PLXDC1: variants seen among roughly 807,000 people sequenced by gnomAD.
The protein encoded by PLXDC1 is plexin domain containing 1.
PLXDC1 carries 39 observed loss-of-function variants against 61.3 expected under a neutral mutation model. The ratio of observed to expected loss-of-function variants is 0.64; its 90% CI spans 0.49 to 0.83. PLXDC1 has a LOEUF of 0.83. Among genes scored for constraint, PLXDC1 ranks in the 40% least tolerant of loss-of-function variants. PLXDC1 has a pLI of 0.00. For synonymous variants in PLXDC1, 212 were observed against 254.5 expected, an observed-to-expected ratio of 0.83 and a Z score of 1.59; for missense variants, 596 against 666.5, an observed-to-expected ratio of 0.89 and a Z score of 1.17.
At chr17:39,102,486 C>T (rs1910453801) in intron 7 of PLXDC1, among the ~76,000 whole-genome samples, 1 of 151,896 alleles carries the variant, frequency 6.6e-6, no homozygotes, top group Admixed American at 6.6e-5. Flanking sequence ...CACACGGGGG[C>T]ATGAAAGTAC....
At chr17:39,097,752 A>G (rs545153610) in intron 7 of PLXDC1, among the ~76,000 whole-genome samples, 7 of 148,308 alleles carry the variant, frequency 4.7e-5, no homozygotes, top group African/African-American at 1.8e-4. Flanking sequence ...AAATAAATAA[A>G]TAAGCTGGGC....
rs1027657882 is a variant in PLXDC1 at position 39,064,327 on chromosome 17, GT to G, written c.*3512del. 1 of 152,320 alleles carries G rather than the reference GT, an allele frequency of 6.6e-6. No individual in the cohort carries two copies. The highest frequency in any genetic ancestry group is 2.4e-5 in the African/African-American group (1 of 41,558). The allele number at this position is 152,320 out of a possible 1,614,324, so 9.4% of individuals were successfully genotyped here. A position where few individuals can be genotyped will look rare whatever the true frequency, so the allele number is the denominator to read the frequency against. On this transcript the variant is annotated 3_prime_UTR_variant, in exon 14 of 14. Coordinates refer to ENST00000315392, the MANE Select transcript of PLXDC1 (RefSeq NM_020405.5). ...GTGAGCCACTGCACCTGGCCATGTA[GT>G]GAAGGACTTTCTAAGCAAGACCTTG...
In PLXDC1 at chr17:39,107,496, C is replaced by T. The variant is rs765894615; in HGVS notation, c.622G>A (p.Val208Ile). 14 of 1,613,910 alleles carry T rather than the reference C, an allele frequency of 8.7e-6. No individual in the cohort carries two copies. The highest frequency in any genetic ancestry group is 1.6e-4 in the Middle Eastern group (1 of 6,062). ...GTVFVVQWDH[V>I]YLQGWEDKGS... The stretch of plus-strand genomic sequence containing the variant: ...TTGTCTTCCCAGCCTTGGAGATAAA[C>T]GTGGTCCCACTGAACCACAAAGACT... Residue 208 changes from valine to isoleucine, a missense_variant, in exon 6 of 14, where the codon GTT (valine) becomes ATT (isoleucine). Transcript: ENST00000315392.
At chr17:39,131,497 C>T (rs999348976) in intron 2 of PLXDC1, among the ~76,000 whole-genome samples, 28 of 152,054 alleles carry the variant, frequency 1.8e-4, no homozygotes, top group African/African-American at 5.8e-4. Flanking sequence ...AGATTATAGG[C>T]GTGCACCACC....
intron 9 of PLXDC1, chr17:39,080,968 A>C (rs954813748): frequency 6.5e-6 from 1 of 152,876 alleles, no homozygotes; most frequent in African/African-American, 2.4e-5. Context: ...TGCAGTTCTC[A>C]TGGCTCAGCG....
At chr17:39,091,259 G>A (rs566965811) in intron 7 of PLXDC1, among the ~76,000 whole-genome samples, 3 of 152,224 alleles carry the variant, frequency 2.0e-5, no homozygotes, top group African/African-American at 7.2e-5. Context: ...AATTTCCCAC[G>A]CCCCCTCTGA....
intron 2 of PLXDC1, among the ~76,000 whole-genome samples, chr17:39,138,898 A>T (rs1911839706): frequency 6.6e-6 from 1 of 152,080 alleles, no homozygotes; most frequent in South Asian, 2.1e-4. Context: ...TCACACTTAC[A>T]CATGCTCATC....
intron 2 of PLXDC1, among the ~76,000 whole-genome samples, chr17:39,124,984 T>C (rs1317207959): frequency 1.3e-5 from 2 of 152,138 alleles, no homozygotes; most frequent in African/African-American, 4.8e-5. Context: ...CAGCTAACTT[T>C]TTTTGTAATT....
chr17:39,121,803 A>G (rs1911166872), intron 2 of PLXDC1, among the ~76,000 whole-genome samples: 1 of 152,178 alleles, frequency 6.6e-6, no homozygotes, highest in Non-Finnish European at 1.5e-5. Context: ...AGATGAGCAG[A>G]AAGATTGCCC....
chr17:39,113,145 G>A (rs2143721604), intron 2 of PLXDC1: 1 of 152,304 alleles, frequency 6.6e-6, no homozygotes, highest in South Asian at 2.1e-4. Flanking sequence ...CTGTCACAAT[G>A]AAGGCAGAGA....
In PLXDC1 at chr17:39,079,141, T is replaced by C. The variant is rs777652955; in HGVS notation, c.1013A>G (p.Tyr338Cys). Residue 338 changes from tyrosine to cysteine, a missense_variant, in exon 10 of 14, where the codon TAT becomes TGT. By Grantham distance (194) the Tyr-to-Cys change is radical. Transcript: ENST00000315392. ...LQRCSSGFDRYRQEWMDYGCA... is the reference protein window; with the variant it reads ...LQRCSSGFDRCRQEWMDYGCA... Reference sequence around the variant, plus strand: ...GCCATAGTCCATCCACTCCTGGCGATAGCGGTCAAAGCCACTGGAGCATCT... The same window carrying C: ...GCCATAGTCCATCCACTCCTGGCGACAGCGGTCAAAGCCACTGGAGCATCT... The C allele has an allele frequency of 1.5e-5, 25 of 1,614,032 alleles. No homozygotes were observed. Among genetic ancestry groups the C allele is most frequent in the Non-Finnish European group, 2.0e-5 (24 of 1,179,920 alleles).
chr17:39,082,123 C>G (rs150647863), intron 9 of PLXDC1, among the ~76,000 whole-genome samples: 1 of 152,210 alleles, frequency 6.6e-6, no homozygotes, highest in Non-Finnish European at 1.5e-5. Context: ...CCCATCCCCT[C>G]TGGGCCCAGA....
Position 39,077,940 on chromosome 17 carries a change from G to C in PLXDC1, c.1159C>G (p.Leu387Val), listed in dbSNP as rs140631504. The change falls in exon 11 of 14, where the codon CTC (leucine) becomes GTC (valine). Residue 387 changes from leucine (L) to valine (V), a missense_variant. By Grantham distance (32) the Leu-to-Val change is conservative. Transcript: ENST00000315392. Reference sequence around the variant, plus strand: ...TCTGTGGTGAGGCTGTCGATGAAGAGGGAGGAGGAGGTAGTGGTGAGGTCT... The same window carrying C: ...TCTGTGGTGAGGCTGTCGATGAAGACGGAGGAGGAGGTAGTGGTGAGGTCT... ...DGDLTTTSSSLFIDSLTTEDD... is the reference protein window; with the variant it reads ...DGDLTTTSSSVFIDSLTTEDD... The C allele has an allele frequency of 5.6e-6, 9 of 1,614,020 alleles. No individual in the cohort carries two copies. Among genetic ancestry groups the C allele is most frequent in the Middle Eastern group, 1.6e-4 (1 of 6,084 alleles).
At chr17:39,091,915 C>T (rs1392808456) in intron 7 of PLXDC1, among the ~76,000 whole-genome samples, 3 of 143,312 alleles carry the variant, frequency 2.1e-5, no homozygotes, top group Non-Finnish European at 4.5e-5. Flanking sequence ...GCTGAGACTG[C>T]ACCACTGCAC....
At chr17:39,089,403 C>T (rs186258904) in intron 7 of PLXDC1, among the ~76,000 whole-genome samples, 4 of 152,262 alleles carry the variant, frequency 2.6e-5, no homozygotes, top group East Asian at 3.9e-4. Flanking sequence ...TGAATGGCCA[C>T]AGTACCGGGC....
intron 1 of PLXDC1, chr17:39,144,856 G>C (rs1044477884): frequency 9.2e-5 from 14 of 152,156 alleles, no homozygotes; most frequent in Non-Finnish European, 1.3e-4. Flanking sequence ...AATCACCCTA[G>C]TAATAAAAAT....
Position 39,124,658 on chromosome 17 carries a change from T to C in PLXDC1, c.255+14996A>G, listed in dbSNP as rs376116604. Among the ~76,000 whole-genome samples, 13 of 152,358 alleles carry C rather than the reference T, an allele frequency of 8.5e-5. No individual in the cohort carries two copies. In the East Asian group the frequency reaches 1.7e-3, roughly 20 times the overall value. ...AGCTTAGGCTCTGAAGGCAAAGACC[T>C]GGGTTCTTGTCCTGGTTTTGCCACT... On this transcript the variant is annotated intron_variant, in intron 2 of 13. Coordinates refer to ENST00000315392, the MANE Select transcript of PLXDC1 (RefSeq NM_020405.5).
intron 2 of PLXDC1, among the ~76,000 whole-genome samples, chr17:39,132,594 G>A (rs1405184026): frequency 6.6e-6 from 1 of 152,180 alleles, no homozygotes; most frequent in Non-Finnish European, 1.5e-5. Flanking sequence ...ACGCCTCGAG[G>A]CCTCCAAAGC....
intron 2 of PLXDC1, among the ~76,000 whole-genome samples, chr17:39,120,447 C>T (rs1433195685): frequency 1.3e-5 from 2 of 152,152 alleles, no homozygotes; most frequent in Non-Finnish European, 2.9e-5. Flanking sequence ...TCTGACATAT[C>T]ACATGACATA....
Sources: allele counts gnomAD v4.1 joint callset (sites outside exome capture counted in the v4.1 genomes callset), GRCh38; gene constraint gnomAD v4.1.1; transcripts MANE v1.5; gene names NCBI Gene and HGNC (gene_info 2026-07-23, HGNC 2026-07-21).